The following BTBD7 variants were observed in gnomAD, a reference collection of about 807,000 sequenced individuals.
BTBD7 encodes the protein BTB/POZ domain-containing protein 7.
A neutral mutation model predicts 99.9 loss-of-function variants in BTBD7; 38 were observed. The ratio of observed to expected loss-of-function variants is 0.38; its 90% CI spans 0.29 to 0.50. The LOEUF (loss-of-function observed/expected upper bound fraction) is 0.50. Among genes scored for constraint, BTBD7 ranks in the 20% least tolerant of loss-of-function variants. The pLI, the probability that BTBD7 is intolerant of heterozygous loss-of-function variation, is 0.93. For missense variants in BTBD7, 1,170 were observed against 1,394.6 expected, an observed-to-expected ratio of 0.84 and a Z score of 2.57; for synonymous variants, 520 against 511.4, an observed-to-expected ratio of 1.02 and a Z score of -0.23.
At position 93,258,200 on chromosome 14, in the gene BTBD7, CGTGTGT is replaced by C. The variant is rs144474216; in HGVS notation, c.1448-851_1448-846del. 2.5e-3 allele frequency among the ~76,000 whole-genome samples: 374 copies of C among 146,962 alleles called. 1 individual carries two copies. The highest frequency in any genetic ancestry group is 9.0e-3 in the African/African-American group (360 of 40,012). The stretch of plus-strand genomic sequence containing the variant: ...AGGAAAACTGGTATCTTCCTTAAAT[CGTGTGT>C]GTGTGTGTGTGTGTATGAGAGAGAG... On this transcript the variant is annotated intron_variant, in intron 5 of 10. Transcript: ENST00000334746.
chr14:93,304,768 C>G (rs1566858914), intron 1 of BTBD7, among the ~76,000 whole-genome samples: 1 of 152,136 alleles, frequency 6.6e-6, no homozygotes, highest in Non-Finnish European at 1.5e-5. Flanking sequence ...CCATTCAAAG[C>G]CAAAACATTC....
chr14:93,278,101 T>C (rs2052676687), intron 3 of BTBD7, among the ~76,000 whole-genome samples: 1 of 152,194 alleles, frequency 6.6e-6, no homozygotes, highest in African/African-American at 2.4e-5. Flanking sequence ...ACCAAAGCTT[T>C]TGGGGTACAG....
chr14:93,276,097 T>C (rs2052653820), intron 3 of BTBD7, among the ~76,000 whole-genome samples: 1 of 152,154 alleles, frequency 6.6e-6, no homozygotes, highest in African/African-American at 2.4e-5. Flanking sequence ...ATGCCTGTAG[T>C]CCCAGCTACT....
Position 93,242,782 on chromosome 14 carries a change from T to C in BTBD7, c.2890A>G (p.Thr964Ala), listed in dbSNP as rs758327406. The change falls in exon 11 of 11, where the codon ACC becomes GCC. Residue 964 changes from threonine (T) to alanine (A), a missense_variant. This residue lies in a region of BTBD7 where 495 missense variants were observed against 525.9 expected (regional missense o/e 0.94). Coordinates refer to ENST00000334746, the MANE Select transcript of BTBD7 (RefSeq NM_001002860.4). ...RPSTPALSRR[T>A]PSPSQGGYFG... is the part of the protein sequence containing the mutation. ...TATCCACCTTGCGAAGGGGAAGGGG[T>C]GCGTCTGCTGAGAGCAGGAGTAGAA... 4 of 1,613,892 alleles carry C rather than the reference T, an allele frequency of 2.5e-6. No individual in the cohort carries two copies. The highest frequency in any genetic ancestry group is 1.3e-5 in the African/African-American group (1 of 74,872).
At chr14:93,243,620 T>A (rs1308837460) in intron 10 of BTBD7, among the ~76,000 whole-genome samples, 2 of 152,228 alleles carry the variant, frequency 1.3e-5, no homozygotes, top group Admixed American at 6.5e-5. Flanking sequence ...TTTGCATATA[T>A]ACTGATGAAA....
intron 4 of BTBD7, among the ~76,000 whole-genome samples, chr14:93,262,679 A>G (rs1342370221): frequency 6.6e-6 from 1 of 152,142 alleles, no homozygotes; most frequent in Non-Finnish European, 1.5e-5. Context: ...AATCTCTACA[A>G]GGTATTCTAC....
rs574291313 is a variant in BTBD7, at chr14:93,281,767, G to A, written c.1162+12091C>T. Among the ~76,000 whole-genome samples, 123 of 152,302 alleles carry A rather than the reference G, an allele frequency of 8.1e-4. 1 individual carries two copies. The highest frequency in any genetic ancestry group is 2.8e-3 in the African/African-American group (117 of 41,546). On this transcript the variant is annotated intron_variant, in intron 3 of 10. Transcript: ENST00000334746. ...CTGGCCACAGTATATCACTAATAAGGATTTGGGAAAAGCATTGGTAGTAGA... is the reference window on the plus strand; with the variant it reads ...CTGGCCACAGTATATCACTAATAAGAATTTGGGAAAAGCATTGGTAGTAGA...
chr14:93,288,787 T>C, intron 3 of BTBD7: 3 of 1,567,200 alleles, frequency 1.9e-6, no homozygotes, highest in South Asian at 1.2e-5. Flanking sequence ...ACCCAAAACA[T>C]CAGTATCTGT....
chr14:93,260,152 G>T (rs575115001), intron 5 of BTBD7, among the ~76,000 whole-genome samples: 1 of 152,116 alleles, frequency 6.6e-6, no homozygotes, highest in East Asian at 1.9e-4. Flanking sequence ...TTAAAGGCAG[G>T]TTTAGCACAA....
chr14:93,262,677 C>T (rs1691720304), intron 4 of BTBD7, among the ~76,000 whole-genome samples: 1 of 152,056 alleles, frequency 6.6e-6, no homozygotes, highest in Non-Finnish European at 1.5e-5. Flanking sequence ...ACAATCTCTA[C>T]AAGGTATTCT....
At chr14:93,302,016 T>G (rs984556052) in intron 1 of BTBD7, among the ~76,000 whole-genome samples, 2 of 152,082 alleles carry the variant, frequency 1.3e-5, no homozygotes, top group Non-Finnish European at 2.9e-5. Flanking sequence ...GCAAAGCATG[T>G]GAGGGGTAGA....
intron 3 of BTBD7, among the ~76,000 whole-genome samples, chr14:93,285,648 T>C (rs2295636): frequency 0.078 from 11,844 of 152,204 alleles, 979 homozygotes; most frequent in African/African-American, 0.21. Context: ...AAATTACCAA[T>C]GAATGGTATA....
At chr14:93,296,679 GA>G (rs1420154745) in intron 1 of BTBD7, among the ~76,000 whole-genome samples, 1 of 152,110 alleles carries the variant, frequency 6.6e-6, no homozygotes, top group Non-Finnish European at 1.5e-5. Context: ...GAGGGAGGAG[GA>G]AAGGTGGACA....
intron 10 of BTBD7, among the ~76,000 whole-genome samples, chr14:93,245,443 C>A (rs2139674911): frequency 6.6e-6 from 1 of 152,302 alleles, no homozygotes; most frequent in South Asian, 2.1e-4. Context: ...CCGATTAAAG[C>A]ATGTGGTAGA....
At position 93,242,583 on chromosome 14, in the gene BTBD7, A is replaced by G. The variant is rs2139669035; in HGVS notation, c.3089T>C (p.Val1030Ala). ...GTCTGACCGCTGGGGAGGTTGCTCA[A>G]CGACATCCAGGTGTATCGGCTCATT... ...QKNEPIHLDV[V>A]EQPPQRSDFP... Residue 1030 changes from valine (V) to alanine (A), a missense_variant, in exon 11 of 11, where the codon GTT (valine) becomes GCT (alanine). Transcript: ENST00000334746. The G allele has an allele frequency of 1.2e-6, 2 of 1,614,206 alleles. No individual in the cohort carries two copies. The highest frequency in any genetic ancestry group is 1.3e-5 in the African/African-American group (1 of 75,058).
At chr14:93,326,585 T>C (rs2053335267) in intron 1 of BTBD7, among the ~76,000 whole-genome samples, 1 of 151,600 alleles carries the variant, frequency 6.6e-6, no homozygotes, top group Admixed American at 6.6e-5. Context: ...GTGGGTCACC[T>C]TATGTAAGGA....
intron 1 of BTBD7, among the ~76,000 whole-genome samples, chr14:93,317,710 A>T (rs2139816450): frequency 6.6e-6 from 1 of 152,326 alleles, no homozygotes. Flanking sequence ...GTCTCTGGGA[A>T]ATTGGATTTT....
At chr14:93,250,329 C>T (rs1441803700) in intron 8 of BTBD7, among the ~76,000 whole-genome samples, 3 of 152,206 alleles carry the variant, frequency 2.0e-5, no homozygotes, top group Non-Finnish European at 2.9e-5. Flanking sequence ...TTTTGAACTG[C>T]ATTAACTCAA....
intron 3 of BTBD7, among the ~76,000 whole-genome samples, chr14:93,278,392 C>A (rs1184317626): frequency 6.6e-6 from 1 of 152,072 alleles, no homozygotes; most frequent in African/African-American, 2.4e-5. Flanking sequence ...CCAGTCTGGG[C>A]AACAAGGCTG....
Sources: gnomAD v4.1 joint callset for allele counts (sites outside exome capture counted in the v4.1 genomes callset) on GRCh38, gnomAD v4.1.1 for gene constraint, gnomAD v4.1.1 regional missense constraint, MANE v1.5 for transcripts, NCBI Gene and HGNC (gene_info 2026-07-23, HGNC 2026-07-21) for gene names.